Variants in WWOX observed in about 807,000 individuals in gnomAD.
WWOX encodes the protein WW domain containing oxidoreductase, also known as WW domain-containing oxidoreductase.
In WWOX, 69 loss-of-function variants were observed where a neutral mutation model predicts 46.2. The observed-to-expected ratio is 1.49, with a 90% CI of 1.23 to 1.82. The LOEUF is 1.82. Among genes scored for constraint, WWOX ranks in the 40% most tolerant of loss-of-function variants. WWOX has a pLI of 0.00. For synonymous variants in WWOX, 359 were observed against 202.6 expected (o/e 1.77, Z -6.56); for missense variants, 919 against 542.6 (o/e 1.69, Z -6.89).
chr16:78,988,354 A>T (rs75046233), intron 8 of WWOX, among the ~76,000 whole-genome samples: 88,498 of 128,682 alleles, frequency 0.69, 28,053 homozygotes, highest in Non-Finnish European at 0.76. Context: ...CAAAAAAAAT[A>T]AAAAAAAAAA....
At chr16:78,939,229 C>A (rs554726812) in intron 8 of WWOX, among the ~76,000 whole-genome samples, 1 of 152,230 alleles carries the variant, frequency 6.6e-6, no homozygotes, top group Non-Finnish European at 1.5e-5. Context: ...GTCTGCTAGA[C>A]ACAGAATTGG....
At chr16:78,769,040 C>T (rs2049996147) in intron 8 of WWOX, among the ~76,000 whole-genome samples, 1 of 152,122 alleles carries the variant, frequency 6.6e-6, no homozygotes, top group African/African-American at 2.4e-5. Context: ...TATTTTTCTT[C>T]AAGAGAGTTG....
intron 8 of WWOX, among the ~76,000 whole-genome samples, chr16:78,845,451 T>A (rs2052273629): frequency 6.6e-6 from 1 of 152,216 alleles, no homozygotes; most frequent in Non-Finnish European, 1.5e-5. Context: ...CTGTCAAATA[T>A]GTCCTTATGG....
intron 8 of WWOX, among the ~76,000 whole-genome samples, chr16:79,195,179 G>T (rs529548807): frequency 4.6e-5 from 7 of 152,226 alleles, no homozygotes; most frequent in Non-Finnish European, 7.4e-5. Context: ...TTTGTTGTAG[G>T]TTGGGTACCC....
intron 5 of WWOX, among the ~76,000 whole-genome samples, chr16:78,192,828 A>C (rs538605677): frequency 6.6e-6 from 1 of 152,334 alleles, no homozygotes; most frequent in East Asian, 1.9e-4. Flanking sequence ...TATGTAACTT[A>C]AGTGAAACAT....
chr16:78,992,798 T>G (rs1424220746), intron 8 of WWOX, among the ~76,000 whole-genome samples: 1 of 152,126 alleles, frequency 6.6e-6, no homozygotes, highest in Non-Finnish European at 1.5e-5. Flanking sequence ...TTGAGGGACA[T>G]AAATAGCCTC....
intron 8 of WWOX, among the ~76,000 whole-genome samples, chr16:78,846,581 G>C (rs1251988581): frequency 6.6e-6 from 1 of 151,950 alleles, no homozygotes; most frequent in Non-Finnish European, 1.5e-5. Context: ...GCCATTCTTC[G>C]GCCATCAAGT....
intron 8 of WWOX, among the ~76,000 whole-genome samples, chr16:78,857,563 C>G (rs1241167439): frequency 6.6e-6 from 1 of 152,126 alleles, no homozygotes. Flanking sequence ...CCCAAGCTGA[C>G]TGTCGGTCAA....
At chr16:78,314,718 TTTTC>T (rs1242855276) in intron 5 of WWOX, among the ~76,000 whole-genome samples, 6 of 132,960 alleles carry the variant, frequency 4.5e-5, no homozygotes, top group East Asian at 4.7e-4. Context: ...TTTTTTTTTT[TTTTC>T]TGTATTTTCA....
chr16:79,049,529 G>A (rs1236526907), intron 8 of WWOX, among the ~76,000 whole-genome samples: 1 of 152,070 alleles, frequency 6.6e-6, no homozygotes, highest in Non-Finnish European at 1.5e-5. Flanking sequence ...ATTGTTGAGG[G>A]GCTTTCTCTT....
chr16:78,544,836 C>T (rs2043988032), intron 8 of WWOX, among the ~76,000 whole-genome samples: 1 of 152,134 alleles, frequency 6.6e-6, no homozygotes, highest in Non-Finnish European at 1.5e-5. Flanking sequence ...GATCGCTCCA[C>T]TGCACTCTAG....
At chr16:78,896,719 TA>T (rs1174044166) in intron 8 of WWOX, 1 of 151,730 alleles carries the variant, frequency 6.6e-6, no homozygotes. Context: ...TTTACTAATA[TA>T]AAATTGGGCC....
chr16:78,911,255 TCTG>T (rs2151255774), intron 8 of WWOX, among the ~76,000 whole-genome samples: 1 of 152,150 alleles, frequency 6.6e-6, no homozygotes, highest in South Asian at 2.1e-4. Flanking sequence ...TCCATTCAAA[TCTG>T]TTTTTTGTCA....
intron 5 of WWOX, chr16:78,167,497 G>C (rs1205523254): frequency 1.3e-5 from 2 of 152,150 alleles, no homozygotes; most frequent in Non-Finnish European, 2.9e-5. Context: ...TTCACCGTCG[G>C]GGACACAGAA....
At chr16:78,570,507 G>T (rs919344616) in intron 8 of WWOX, among the ~76,000 whole-genome samples, 2 of 152,080 alleles carry the variant, frequency 1.3e-5, no homozygotes, top group Admixed American at 6.6e-5. Context: ...TAGAGATGCA[G>T]TATCGCTTGT....
At chr16:78,802,201 G>C (rs1158542575) in intron 8 of WWOX, among the ~76,000 whole-genome samples, 1 of 119,910 alleles carries the variant, frequency 8.3e-6, no homozygotes, top group Non-Finnish European at 1.7e-5. Flanking sequence ...TGTTTGTTTA[G>C]GTTTTTTTTT....
At chr16:79,035,483 A>G (rs1394446969) in intron 8 of WWOX, among the ~76,000 whole-genome samples, 1 of 152,068 alleles carries the variant, frequency 6.6e-6, no homozygotes, top group East Asian at 1.9e-4. Context: ...CTGCTCCTTT[A>G]ATATTTTATG....
chr16:78,161,764 T>C (rs1447746865), intron 4 of WWOX, among the ~76,000 whole-genome samples: 1 of 152,190 alleles, frequency 6.6e-6, no homozygotes, highest in Non-Finnish European at 1.5e-5. Flanking sequence ...CTTTTTATCA[T>C]TCTGCTTTTC....
chr16:78,748,614 A>G lies in WWOX; in HGVS notation c.1056+315862A>G, dbSNP rs1043692065. 4.6e-5 allele frequency among the ~76,000 whole-genome samples: 7 copies of G among 152,182 alleles called. No individual in the cohort carries two copies. The East Asian group carries it at 1.4e-3, about 29-fold the overall frequency. ...TCAACATGCCCTAACTGGTTAGCAG[A>G]TGGCAGCTGCATGAAGTCACTGGGC... On this transcript the variant is annotated intron_variant, in intron 8 of 8. Transcript: ENST00000566780.
Sources: allele counts gnomAD v4.1 joint callset (sites outside exome capture counted in the v4.1 genomes callset), GRCh38; gene constraint gnomAD v4.1.1; transcripts MANE v1.5; gene names NCBI Gene and HGNC (gene_info 2026-07-23, HGNC 2026-07-21).